Variants in SLC18A2 observed in about 807,000 individuals in gnomAD.
SLC18A2 encodes the protein solute carrier family 18 member A2, also known as synaptic vesicular amine transporter.
SLC18A2 carries 33 observed loss-of-function variants against 59.2 expected under a neutral mutation model. The ratio of observed to expected loss-of-function variants is 0.56; its 90% CI spans 0.42 to 0.75. The LOEUF (loss-of-function observed/expected upper bound fraction) is 0.75, where lower values mean the gene tolerates loss of function less well. SLC18A2 is among the 30% of genes least tolerant of loss of function. The pLI, the probability that SLC18A2 is intolerant of heterozygous loss-of-function variation, is 0.00. For synonymous variants in SLC18A2, 228 were observed against 253.5 expected, an observed-to-expected ratio of 0.90 and a Z score of 0.95; for missense variants, 569 against 668.6, an observed-to-expected ratio of 0.85 and a Z score of 1.64.
At position 117,255,501 on chromosome 10, in the gene SLC18A2, G is replaced by A; in HGVS notation, c.813G>A (p.Gln271=). 6.2e-7 allele frequency: 1 copy of A among 1,614,106 alleles called. No homozygotes were observed. Among genetic ancestry groups the A allele is most frequent in the African/African-American group, 1.3e-5 (1 of 75,062 alleles). ...LDGAIQLFVL[Q]PSRVQPESQK... ...TAGCTATTCAGCTCTTTGTGCTCCA[G>A]CCGTCCCGGGTGCAGCCAGAGGTAA... Residue 271 remains glutamine (Q), a synonymous_variant, in exon 8 of 16, where the codon CAG becomes CAA. Coordinates refer to ENST00000644641, the MANE Select transcript of SLC18A2 (RefSeq NM_003054.6).
At chr10:117,270,599 G>A in intron 15 of SLC18A2, 136 bp downstream of exon 15, 1 of 920,050 alleles carries the variant, frequency 1.1e-6, no homozygotes, top group African/African-American at 1.7e-5. Flanking sequence ...ACCACATAGA[G>A]CAGTTACTTC....
chr10:117,251,302 C>T (rs1844159658), intron 3 of SLC18A2, among the ~76,000 whole-genome samples: 1 of 151,090 alleles, frequency 6.6e-6, no homozygotes, highest in Non-Finnish European at 1.5e-5. Flanking sequence ...GAGTTCTCCT[C>T]TCTGAGCCTC....
chr10:117,262,283 A>G (rs141048551), intron 10 of SLC18A2, among the ~76,000 whole-genome samples: 119 of 152,354 alleles, frequency 7.8e-4, no homozygotes, highest in African/African-American at 2.7e-3. Flanking sequence ...AGAGGTATTC[A>G]GTGAAGGAGG....
chr10:117,277,093 C>G (rs1275482863), intron 15 of SLC18A2, 69 bp from the exon 16 acceptor site: 1 of 877,174 alleles, frequency 1.1e-6, no homozygotes, highest in African/African-American at 1.7e-5. Flanking sequence ...TCCTTAAAAA[C>G]AGTAGGTTAA....
At chr10:117,248,320 G>A (rs1435457843) in intron 3 of SLC18A2, among the ~76,000 whole-genome samples, 1 of 152,098 alleles carries the variant, frequency 6.6e-6, no homozygotes, top group Non-Finnish European at 1.5e-5. Flanking sequence ...TGAAAATATA[G>A]AGTAACAATT....
chr10:117,273,603 T>TATGC, intron 15 of SLC18A2, among the ~76,000 whole-genome samples: 1 of 152,194 alleles, frequency 6.6e-6, no homozygotes, highest in African/African-American at 2.4e-5. Context: ...GCTGCTGAGA[T>TATGC]AGACCACATT....
chr10:117,272,600 C>A (rs991249081), intron 15 of SLC18A2, among the ~76,000 whole-genome samples: 2 of 152,182 alleles, frequency 1.3e-5, no homozygotes, highest in African/African-American at 2.4e-5. Flanking sequence ...GTGGAAGAGA[C>A]GATCCTGAAA....
In SLC18A2 at chr10:117,241,678, G is replaced by GCGGAGCCC; in HGVS notation, c.-8_-1dup. On this transcript the variant is annotated splice_region_variant and 5_prime_UTR_variant. Coordinates refer to ENST00000644641, the MANE Select transcript of SLC18A2 (RefSeq NM_003054.6). ...GTCCTCACCGCGCACCGCGCCCGCA[G>GCGGAGCCC]CGGAGCCCCGGAGCCATGGCCCTGA... 1 of 1,567,526 alleles carries GCGGAGCCC rather than the reference G, an allele frequency of 6.4e-7. No individual in the cohort carries two copies. Among genetic ancestry groups the GCGGAGCCC allele is most frequent in the Non-Finnish European group, 8.6e-7 (1 of 1,159,120 alleles).
chr10:117,266,709 G>A, intron 10 of SLC18A2, 24 bp from the exon 11 acceptor site: 2 of 1,550,486 alleles, frequency 1.3e-6, no homozygotes, highest in Non-Finnish European at 1.8e-6. Flanking sequence ...GCACTGATAA[G>A]GTCTCCTTTT....
In SLC18A2 at chr10:117,241,915, C is replaced by A. The variant is rs754178033; in HGVS notation, c.121+101C>A. 1.5e-4 allele frequency: 180 copies of A among 1,226,362 alleles called. 1 individual carries two copies. The highest frequency in any genetic ancestry group is 1.6e-4 in the Non-Finnish European group (147 of 906,194). The allele number at this position is 1,226,362 out of a possible 1,614,324, so 76.0% of individuals were successfully genotyped here. ...CGCGGTCCCGGAGCTCCGCCAAGGC[C>A]CGGGAAAGTTGGAGAACTCGCTTTG... is the stretch of plus-strand genomic sequence containing the variant. On this transcript the variant is annotated intron_variant, in intron 2 of 15. Coordinates refer to ENST00000644641, the MANE Select transcript of SLC18A2 (RefSeq NM_003054.6).
intron 10 of SLC18A2, among the ~76,000 whole-genome samples, chr10:117,260,464 C>G (rs920716907): frequency 2.0e-5 from 3 of 147,818 alleles, no homozygotes; most frequent in African/African-American, 7.3e-5. Flanking sequence ...CCCTTCTCCT[C>G]TCCCACTCTG....
At chr10:117,255,906 C>T (rs1027554066) in intron 9 of SLC18A2, among the ~76,000 whole-genome samples, 8 of 152,226 alleles carry the variant, frequency 5.3e-5, no homozygotes, top group Non-Finnish European at 1.0e-4. Flanking sequence ...CTGGGCTCTG[C>T]AGAGCTGCCT....
intron 10 of SLC18A2, among the ~76,000 whole-genome samples, chr10:117,264,363 C>G (rs539816134): frequency 6.6e-6 from 1 of 152,194 alleles, no homozygotes; most frequent in East Asian, 1.9e-4. Flanking sequence ...GTAATCCTAG[C>G]ACTTTGGGAG....
rs1844084189 is a variant in SLC18A2, at chr10:117,244,124, C to G, written c.275C>G (p.Ala92Gly). Reference protein sequence around the residue: ...YDNSTMVTGNATRDLTLHQTA... With the variant: ...YDNSTMVTGNGTRDLTLHQTA... The stretch of plus-strand genomic sequence containing the variant: ...AACTCGACTATGGTCACCGGGAATG[C>G]TACCAGAGACCTGACACTTCATCAG... The change falls in exon 3 of 16, where the codon GCT becomes GGT. Residue 92 changes from alanine to glycine, a missense_variant. Physicochemically the swap from Ala to Gly is moderately conservative, Grantham distance 60 (BLOSUM62 0). This residue lies in a region of SLC18A2 where 377 missense variants were observed against 389.8 expected (regional missense o/e 0.97). Transcript: ENST00000644641. 8 of 1,614,212 alleles carry G rather than the reference C, an allele frequency of 5.0e-6. No individual in the cohort carries two copies. Among genetic ancestry groups the G allele is most frequent in the Non-Finnish European group, 6.8e-6 (8 of 1,180,034 alleles).
intron 10 of SLC18A2, among the ~76,000 whole-genome samples, chr10:117,263,214 C>G (rs1218880672): frequency 6.6e-6 from 1 of 152,232 alleles, no homozygotes; most frequent in African/African-American, 2.4e-5. Flanking sequence ...TTCTCTGTAG[C>G]TTTCAGCCCA....
chr10:117,251,354 C>T (rs549980643), intron 3 of SLC18A2, among the ~76,000 whole-genome samples: 1 of 152,106 alleles, frequency 6.6e-6, no homozygotes, highest in African/African-American at 2.4e-5. Flanking sequence ...GCCGTGTGAG[C>T]CCCCGGTGTT....
At chr10:117,246,888 A>G (rs1410426419) in intron 3 of SLC18A2, among the ~76,000 whole-genome samples, 1 of 152,206 alleles carries the variant, frequency 6.6e-6, no homozygotes, top group African/African-American at 2.4e-5. Context: ...TCCTGACCTC[A>G]GGTGATCTGC....
chr10:117,271,001 A>G (rs1285292037), intron 15 of SLC18A2, among the ~76,000 whole-genome samples: 1 of 152,202 alleles, frequency 6.6e-6, no homozygotes, highest in African/African-American at 2.4e-5. Context: ...TTATGACCAA[A>G]ATTATAGCCA....
rs1278264508 is a variant in SLC18A2 at position 117,279,003 on chromosome 10, T to C, written c.*1737T>C. On this transcript the variant is annotated 3_prime_UTR_variant, in exon 16 of 16. Transcript: ENST00000644641. ...GGTTTCTGGTTCTCCCTGCCCCCAA[T>C]ACCATATACTTTATTGCAATTTTAT... 6.6e-6 allele frequency: 1 copy of C among 152,204 alleles called. No homozygotes were observed. The highest frequency in any genetic ancestry group is 1.5e-5 in the Non-Finnish European group (1 of 68,032). The allele number at this position is 152,204 out of a possible 1,614,324, so 9.4% of individuals were successfully genotyped here. A position where few individuals can be genotyped will look rare whatever the true frequency, so the allele number is the denominator to read the frequency against.
Sources: allele counts gnomAD v4.1 joint callset (sites outside exome capture counted in the v4.1 genomes callset), GRCh38; gene constraint gnomAD v4.1.1; regional missense constraint gnomAD v4.1.1; transcripts MANE v1.5; gene names NCBI Gene and HGNC (gene_info 2026-07-23, HGNC 2026-07-21).